Variants in ATAD2B observed in about 807,000 individuals in gnomAD.
The protein encoded by ATAD2B is ATPase family AAA domain-containing protein 2B.
ATAD2B carries 40 observed loss-of-function variants against 167.6 expected under a neutral mutation model. The ratio of observed to expected loss-of-function variants is 0.24; its 90% CI spans 0.19 to 0.31. ATAD2B has a LOEUF of 0.31. Ranked by LOEUF, ATAD2B falls within the 10% of genes least tolerant of loss-of-function variation. The pLI is 1.00. For synonymous variants in ATAD2B, 579 were observed against 596.5 expected (o/e 0.97, Z 0.43); for missense variants, 1,242 against 1,757.2 (o/e 0.71, Z 5.24).
intron 1 of ATAD2B, among the ~76,000 whole-genome samples, chr2:23,916,761 A>G (rs952315206): frequency 6.6e-6 from 1 of 152,208 alleles, no homozygotes; most frequent in African/African-American, 2.4e-5. Context: ...AACAAAATTA[A>G]CTTTAGGGTG....
At chr2:23,839,181 T>C (rs180946872) in intron 13 of ATAD2B, among the ~76,000 whole-genome samples, 81 of 152,284 alleles carry the variant, frequency 5.3e-4, no homozygotes, top group African/African-American at 1.8e-3. Context: ...AATTGCATCA[T>C]CTACAAATGA....
At chr2:23,920,970 C>G (rs1703825464) in intron 1 of ATAD2B, among the ~76,000 whole-genome samples, 4 of 151,986 alleles carry the variant, frequency 2.6e-5, no homozygotes, top group Admixed American at 2.6e-4. Flanking sequence ...TTTGGGAGAC[C>G]GAGGCGGGCG....
At chr2:23,781,377 T>TC (rs1553382264) in intron 22 of ATAD2B, among the ~76,000 whole-genome samples, 617 of 149,680 alleles carry the variant, frequency 4.1e-3, no homozygotes, top group African/African-American at 0.01. Context: ...AATAAATAAA[T>TC]AATCAGGCTG....
intron 12 of ATAD2B, among the ~76,000 whole-genome samples, chr2:23,861,406 A>G (rs1199747559): frequency 6.6e-6 from 1 of 151,932 alleles, no homozygotes; most frequent in Non-Finnish European, 1.5e-5. Flanking sequence ...CTCTTAGCCA[A>G]TACACTGTAG....
chr2:23,786,191 G>A lies in ATAD2B; in HGVS notation c.2809C>T (p.Leu937=). The change falls in exon 21 of 28, where the codon CTA becomes TTA. Residue 937 remains leucine (L), a synonymous_variant. Transcript: ENST00000238789. Reference sequence around the variant, plus strand: ...GATAATTGACGAGGTGGAGAAGGTAGTGCAAGAGGAAGCACTTCCATAGCA... The same window carrying A: ...GATAATTGACGAGGTGGAGAAGGTAATGCAAGAGGAAGCACTTCCATAGCA... ...LCAMEVLPLA[L]PSPPRQLSES... The A allele has an allele frequency of 1.3e-6, 2 of 1,589,282 alleles. No individual in the cohort carries two copies. Among genetic ancestry groups the A allele is most frequent in the Non-Finnish European group, 1.7e-6 (2 of 1,167,080 alleles).
intron 13 of ATAD2B, among the ~76,000 whole-genome samples, chr2:23,845,570 A>AT (rs71402518): frequency 0.18 from 16,157 of 87,642 alleles, 3,297 homozygotes; most frequent in African/African-American, 0.25. Context: ...GCATGCTGGA[A>AT]TTTTTTTTTT....
At chr2:23,698,753 G>C in the ATAD2B span, among the ~76,000 whole-genome samples, 1 of 152,150 alleles carries the variant, frequency 6.6e-6, no homozygotes, top group African/African-American at 2.4e-5. Context: ...CACTCGGCAG[G>C]GTCATTTGCA....
chr2:23,692,002 G>A, the ATAD2B span: 1 of 871,642 alleles, frequency 1.1e-6, no homozygotes, highest in Non-Finnish European at 1.8e-6. Flanking sequence ...ACATGTGGCT[G>A]AGTTTGGCAG....
intron 1 of ATAD2B, among the ~76,000 whole-genome samples, chr2:23,911,089 C>T (rs866488558): frequency 3.4e-5 from 5 of 148,720 alleles, no homozygotes; most frequent in East Asian, 2.0e-4. Flanking sequence ...GTCGTAGTGG[C>T]GCATGCCTGT....
At chr2:23,738,866 A>C in the ATAD2B span, among the ~76,000 whole-genome samples, 36 of 152,176 alleles carry the variant, frequency 2.4e-4, no homozygotes, top group Admixed American at 1.3e-4. Context: ...TCTACCAAGC[A>C]AATGGAAAAC....
At chr2:23,718,800 C>G in the ATAD2B span, among the ~76,000 whole-genome samples, 1 of 152,200 alleles carries the variant, frequency 6.6e-6, no homozygotes, top group African/African-American at 2.4e-5. Context: ...TTTCTAACTT[C>G]CAGAGGCCGC....
the ATAD2B span, among the ~76,000 whole-genome samples, chr2:23,687,579 G>A: frequency 3.3e-5 from 5 of 152,328 alleles, no homozygotes; most frequent in Middle Eastern, 3.4e-3. Context: ...GTGGGGACAC[G>A]CTGCAGACAG....
At chr2:23,706,743 A>G in the ATAD2B span, 1 of 1,082,916 alleles carries the variant, frequency 9.2e-7, no homozygotes, top group Non-Finnish European at 1.3e-6. Flanking sequence ...TTCCAGCGAC[A>G]CCAACAAGAG....
At chr2:23,808,680 A>T (rs1010221033) in intron 18 of ATAD2B, among the ~76,000 whole-genome samples, 1 of 152,168 alleles carries the variant, frequency 6.6e-6, no homozygotes, top group Non-Finnish European at 1.5e-5. Flanking sequence ...TAATCACATC[A>T]TAGGCAAATA....
intron 22 of ATAD2B, among the ~76,000 whole-genome samples, chr2:23,781,478 A>G (rs992137143): frequency 2.0e-5 from 3 of 152,148 alleles, no homozygotes; most frequent in African/African-American, 7.2e-5. Context: ...CAGCCTAGCC[A>G]ACATGGTGAA....
chr2:23,899,001 AGC>A (rs1360579188), intron 1 of ATAD2B, among the ~76,000 whole-genome samples: 1 of 152,162 alleles, frequency 6.6e-6, no homozygotes, highest in Non-Finnish European at 1.5e-5. Context: ...ATACAAAATT[AGC>A]CAGGCATGGT....
chr2:23,762,253 CTTTG>C lies in ATAD2B; in HGVS notation c.3346_3349del (p.Gln1116GlufsTer41), dbSNP rs746674233. The C allele has an allele frequency of 6.2e-7, 1 of 1,613,584 alleles. No homozygotes were observed. On this transcript the variant is annotated frameshift_variant, in exon 24 of 28. Transcript: ENST00000238789. LOFTEE classifies it high-confidence loss of function. ...GTTGTGCCACACATCCATTGGATTT[CTTTG>C]TTTGTGCCGAAATGCCTCTTCGACT...
chr2:23,763,254 G>A (rs2551331), intron 23 of ATAD2B, among the ~76,000 whole-genome samples: 5,962 of 152,064 alleles, frequency 0.039, 112 homozygotes, highest in Admixed American at 0.046. Flanking sequence ...CCATCCCTGC[G>A]GCTACATCTC....
At chr2:23,722,187 C>T in the ATAD2B span, among the ~76,000 whole-genome samples, 6 of 152,002 alleles carry the variant, frequency 3.9e-5, no homozygotes, top group African/African-American at 1.2e-4. Context: ...GACACATCAA[C>T]GATGAAAATG....
Sources: allele counts gnomAD v4.1 joint callset (sites outside exome capture counted in the v4.1 genomes callset), GRCh38; gene constraint gnomAD v4.1.1; transcripts MANE v1.5; gene names NCBI Gene and HGNC (gene_info 2026-07-23, HGNC 2026-07-21).